Variants in RAB31 observed in about 807,000 individuals in gnomAD.
The protein encoded by RAB31 is ras-related protein Rab-31.
Under a neutral mutation model 25.6 loss-of-function variants are expected in RAB31, and 21 were observed. The observed-to-expected ratio is 0.82, with a 90% CI of 0.58 to 1.18. RAB31 has a LOEUF of 1.18. Ranked by LOEUF, RAB31 falls within the 50% of genes most tolerant of loss-of-function variation. The probability of loss-of-function intolerance (pLI) is 0.00; values close to 1 mark genes in which losing one functional copy is unlikely to be tolerated. For synonymous variants in RAB31, 87 were observed against 84.0 expected (o/e 1.04, Z -0.20); for missense variants, 196 against 250.1 (o/e 0.78, Z 1.46).
At chr18:9,810,682 G>A (rs2068565900) in intron 3 of RAB31, among the ~76,000 whole-genome samples, 1 of 152,178 alleles carries the variant, frequency 6.6e-6, no homozygotes, top group South Asian at 2.1e-4. Context: ...GCCAGTGACC[G>A]TTTTAGATTC....
At chr18:9,739,789 G>C (rs941669752) in intron 1 of RAB31, among the ~76,000 whole-genome samples, 3 of 152,150 alleles carry the variant, frequency 2.0e-5, no homozygotes, top group African/African-American at 7.2e-5. Flanking sequence ...GCCAGCACCT[G>C]GTCACATGGC....
At chr18:9,736,673 A>G (rs2068152652) in intron 1 of RAB31, among the ~76,000 whole-genome samples, 1 of 152,246 alleles carries the variant, frequency 6.6e-6, no homozygotes, top group African/African-American at 2.4e-5. Flanking sequence ...AAGTCAATTC[A>G]GCAAATGTTT....
At chr18:9,746,595 G>A (rs1202524797) in intron 1 of RAB31, among the ~76,000 whole-genome samples, 1 of 152,148 alleles carries the variant, frequency 6.6e-6, no homozygotes, top group Non-Finnish European at 1.5e-5. Flanking sequence ...ATAGAATTGA[G>A]ATTTCAGAAA....
chr18:9,841,349 C>A (rs61515418), intron 5 of RAB31, among the ~76,000 whole-genome samples: 1 of 151,454 alleles, frequency 6.6e-6, no homozygotes, highest in Non-Finnish European at 1.5e-5. Context: ...ACCATCCTGG[C>A]TAACATGGTG....
At chr18:9,758,352 G>C (rs1025785763) in intron 1 of RAB31, among the ~76,000 whole-genome samples, 7 of 152,068 alleles carry the variant, frequency 4.6e-5, no homozygotes, top group Non-Finnish European at 2.9e-5. Flanking sequence ...GGAGGTGCTG[G>C]CTTCTTTGCC....
At chr18:9,823,688 AT>A (rs765172593) in intron 5 of RAB31, among the ~76,000 whole-genome samples, 223 of 152,344 alleles carry the variant, frequency 1.5e-3, no homozygotes, top group Middle Eastern at 3.4e-3. Flanking sequence ...TATATATATT[AT>A]ATACACATGG....
chr18:9,781,188 G>A (rs1877637172), intron 2 of RAB31, among the ~76,000 whole-genome samples: 1 of 151,656 alleles, frequency 6.6e-6, no homozygotes, highest in Admixed American at 6.6e-5. Flanking sequence ...TTATAAAATT[G>A]TAAAAGTTTG....
intron 1 of RAB31, among the ~76,000 whole-genome samples, chr18:9,743,913 C>G (rs1031949739): frequency 3.3e-5 from 5 of 152,232 alleles, no homozygotes; most frequent in Non-Finnish European, 4.4e-5. Context: ...ACTTCACTGT[C>G]ATCCCCTCAC....
At chr18:9,833,721 A>C (rs1454384381) in intron 5 of RAB31, among the ~76,000 whole-genome samples, 2 of 152,164 alleles carry the variant, frequency 1.3e-5, no homozygotes, top group Admixed American at 6.5e-5. Flanking sequence ...GGCCTCTCTT[A>C]CCTCAACATC....
At chr18:9,733,342 G>A (rs2068133016) in intron 1 of RAB31, among the ~76,000 whole-genome samples, 1 of 152,152 alleles carries the variant, frequency 6.6e-6, no homozygotes. Context: ...CATCCGACGT[G>A]TGCAGATGTG....
rs1454442551 is a variant in RAB31 at position 9,817,282 on chromosome 18, G to A, written c.380+2060G>A. Among the ~76,000 whole-genome samples, 3 of 152,142 alleles carry A rather than the reference G, an allele frequency of 2.0e-5. 1 individual carries two copies. Among genetic ancestry groups the A allele is most frequent in the Admixed American group, 6.5e-5 (1 of 15,278 alleles). ...AGTCTTATGTATTGTGGGAATGCTGGTGGACTAGAATTTAAGCAGAAAACG... is the reference window on the plus strand; with the variant it reads ...AGTCTTATGTATTGTGGGAATGCTGATGGACTAGAATTTAAGCAGAAAACG... On this transcript the variant is annotated intron_variant, in intron 5 of 6. Coordinates refer to ENST00000578921, the MANE Select transcript of RAB31 (RefSeq NM_006868.4).
rs558723104 is a variant in RAB31 at position 9,824,986 on chromosome 18, C to T, written c.380+9764C>T. ...GTCCTTCCTGCCGCTCTTCTCCCTC[C>T]CCATGAATGTTCTGGTCACAGCTCC... On this transcript the variant is annotated intron_variant, in intron 5 of 6. Coordinates refer to ENST00000578921, the MANE Select transcript of RAB31 (RefSeq NM_006868.4). Among the ~76,000 whole-genome samples, 206 of 152,360 alleles carry T rather than the reference C, an allele frequency of 1.4e-3. 2 individuals are homozygous for T. Among genetic ancestry groups the T allele is most frequent in the African/African-American group, 4.8e-3 (199 of 41,584 alleles).
At chr18:9,711,913 G>C (rs139586939) in intron 1 of RAB31, among the ~76,000 whole-genome samples, 1 of 152,204 alleles carries the variant, frequency 6.6e-6, no homozygotes, top group Non-Finnish European at 1.5e-5. Flanking sequence ...GACATGCTTC[G>C]CATTTAAGGT....
intron 1 of RAB31, among the ~76,000 whole-genome samples, chr18:9,743,135 C>G (rs2068188542): frequency 6.6e-6 from 1 of 152,176 alleles, no homozygotes; most frequent in Admixed American, 6.5e-5. Context: ...CCTAGACCTG[C>G]TTTTGACTGA....
intron 6 of RAB31, among the ~76,000 whole-genome samples, chr18:9,858,919 T>C (rs1213789383): frequency 6.6e-6 from 1 of 152,080 alleles, no homozygotes; most frequent in Non-Finnish European, 1.5e-5. Flanking sequence ...GAGCGGAGGC[T>C]GGATGGGAGC....
At chr18:9,731,699 G>A (rs977687634) in intron 1 of RAB31, among the ~76,000 whole-genome samples, 9 of 144,966 alleles carry the variant, frequency 6.2e-5, no homozygotes, top group Non-Finnish European at 3.0e-5. Flanking sequence ...CCGGGTTCAC[G>A]ATTCTCCTGC....
intron 2 of RAB31, among the ~76,000 whole-genome samples, chr18:9,778,276 C>T (rs1267056093): frequency 1.3e-5 from 2 of 152,026 alleles, no homozygotes; most frequent in Non-Finnish European, 2.9e-5. Flanking sequence ...GCCGTGTGTG[C>T]ATGGAGGGAG....
intron 1 of RAB31, among the ~76,000 whole-genome samples, chr18:9,717,751 G>A (rs749746477): frequency 6.6e-6 from 1 of 152,162 alleles, no homozygotes; most frequent in Non-Finnish European, 1.5e-5. Context: ...AGTATGTGGA[G>A]TATCACATAA....
intron 1 of RAB31, among the ~76,000 whole-genome samples, chr18:9,748,307 G>A (rs1428865127): frequency 1.3e-5 from 2 of 151,924 alleles, no homozygotes; most frequent in Non-Finnish European, 1.5e-5. Context: ...GACCAGCCTG[G>A]ACAACACAGT....
Sources: allele counts gnomAD v4.1 joint callset (sites outside exome capture counted in the v4.1 genomes callset), GRCh38; gene constraint gnomAD v4.1.1; transcripts MANE v1.5; gene names NCBI Gene and HGNC (gene_info 2026-07-23, HGNC 2026-07-21).